The following ELOVL7 variants were observed in gnomAD, a reference collection of about 807,000 sequenced individuals.
The protein encoded by ELOVL7 is very long chain fatty acid elongase 7.
Under a neutral mutation model 35.7 loss-of-function variants are expected in ELOVL7, and 27 were observed. The observed-to-expected ratio is 0.76, with a 90% CI of 0.56 to 1.04. The LOEUF (loss-of-function observed/expected upper bound fraction) is 1.04. ELOVL7 is among the 50% of genes least tolerant of loss of function. The pLI is 0.00. For missense variants in ELOVL7, 327 were observed against 340.8 expected, an observed-to-expected ratio of 0.96 and a Z score of 0.32; for synonymous variants, 113 against 114.6, an observed-to-expected ratio of 0.99 and a Z score of 0.09.
intron 3 of ELOVL7, among the ~76,000 whole-genome samples, chr5:60,773,997 T>C (rs1470101763): frequency 1.3e-5 from 2 of 152,266 alleles, no homozygotes; most frequent in African/African-American, 4.8e-5. Flanking sequence ...ACTAATGTTC[T>C]GTGGAACACT....
chr5:60,770,771 C>T (rs897722526), intron 4 of ELOVL7, among the ~76,000 whole-genome samples: 1 of 152,190 alleles, frequency 6.6e-6, no homozygotes, highest in Non-Finnish European at 1.5e-5. Context: ...GATCACGGCT[C>T]ATTGCAGCCT....
chr5:60,770,248 C>T (rs1742500275), intron 4 of ELOVL7, among the ~76,000 whole-genome samples: 1 of 152,108 alleles, frequency 6.6e-6, no homozygotes, highest in Non-Finnish European at 1.5e-5. Flanking sequence ...CTGGCGATGA[C>T]TGGATTCTTT....
intron 3 of ELOVL7, chr5:60,784,122 C>A: frequency 6.6e-7 from 1 of 1,514,672 alleles, no homozygotes; most frequent in South Asian, 1.2e-5. Context: ...TTTCCATCAG[C>A]TGCTTCTAAG....
intron 1 of ELOVL7, among the ~76,000 whole-genome samples, chr5:60,813,154 G>A (rs1745326776): frequency 6.6e-6 from 1 of 152,060 alleles, no homozygotes; most frequent in East Asian, 1.9e-4. Flanking sequence ...TTATTGATCC[G>A]TCACCTTCAC....
intron 3 of ELOVL7, among the ~76,000 whole-genome samples, chr5:60,780,462 C>T (rs1466149507): frequency 6.6e-6 from 1 of 152,160 alleles, no homozygotes; most frequent in Non-Finnish European, 1.5e-5. Context: ...CCCCTCCAAA[C>T]TGCTCCAACC....
chr5:60,820,145 TG>T (rs1343029695), intron 1 of ELOVL7, among the ~76,000 whole-genome samples: 2 of 152,176 alleles, frequency 1.3e-5, no homozygotes, highest in Admixed American at 1.3e-4. Context: ...ACAGACAGCC[TG>T]GAAACAGGAA....
In ELOVL7 at chr5:60,764,313, T is replaced by C. The variant is rs763099478; in HGVS notation, c.413A>G (p.Lys138Arg). ...LLDTIFFVLR[K>R]KNSQVTFLHV... ...AAGGAAAGTCACTTGGCTATTTTTCTTGCGCAGAACAAAAAAGATCTGAAA... is the reference window on the plus strand; with the variant it reads ...AAGGAAAGTCACTTGGCTATTTTTCCTGCGCAGAACAAAAAAGATCTGAAA... Residue 138 changes from lysine to arginine, a missense_variant, in exon 7 of 9, where the codon AAG becomes AGG. Lys to Arg is a conservative substitution (Grantham distance 26). Transcript: ENST00000508821. 6.2e-7 allele frequency: 1 copy of C among 1,612,782 alleles called. No individual in the cohort carries two copies. Among genetic ancestry groups the C allele is most frequent in the Non-Finnish European group, 8.5e-7 (1 of 1,178,920 alleles).
chr5:60,764,324 A>T lies in ELOVL7; in HGVS notation c.402T>A (p.Phe134Leu), dbSNP rs757654842. 2 of 1,605,038 alleles carry T rather than the reference A, an allele frequency of 1.2e-6. No individual in the cohort carries two copies. Among genetic ancestry groups the T allele is most frequent in the Admixed American group, 3.3e-5 (2 of 59,928 alleles). The change falls in exon 7 of 9, where the codon TTT becomes TTA. Residue 134 changes from phenylalanine (F) to leucine (L), a missense_variant. Physicochemically the swap from Phe to Leu is conservative, Grantham distance 22. Transcript: ENST00000508821. ...KFIELLDTIF[F>L]VLRKKNSQVT... is the part of the protein sequence containing the mutation. Reference sequence around the variant, plus strand: ...CTTGGCTATTTTTCTTGCGCAGAACAAAAAAGATCTGAAATAATTTAAAGA... The same window carrying T: ...CTTGGCTATTTTTCTTGCGCAGAACTAAAAAGATCTGAAATAATTTAAAGA...
chr5:60,834,312 T>C (rs1746659230), intron 1 of ELOVL7, among the ~76,000 whole-genome samples: 5 of 152,074 alleles, frequency 3.3e-5, no homozygotes, highest in Admixed American at 3.3e-4. Context: ...TGGCTAATTT[T>C]GTTTTCGTAT....
At position 60,767,875 on chromosome 5, in the gene ELOVL7, T is replaced by C; in HGVS notation, c.284A>G (p.Tyr95Cys). The C allele has an allele frequency of 1.9e-6, 3 of 1,613,964 alleles. No homozygotes were observed. The highest frequency in any genetic ancestry group is 2.2e-5 in the South Asian group (2 of 91,080). Reference protein sequence around the residue: ...EFVMSGWGIGYSFRCDIVDYS... With the variant: ...EFVMSGWGIGCSFRCDIVDYS... ...GTCAACAATGTCACATCGAAATGAA[T>C]AACCTATACCCCAGCCAGACATCAC... The change falls in exon 5 of 9, where the codon TAT becomes TGT. Residue 95 changes from tyrosine (Y) to cysteine (C), a missense_variant. Coordinates refer to ENST00000508821, the MANE Select transcript of ELOVL7 (RefSeq NM_024930.3).
intron 2 of ELOVL7, among the ~76,000 whole-genome samples, chr5:60,792,692 T>C (rs977895257): frequency 6.6e-6 from 1 of 152,008 alleles, no homozygotes; most frequent in Non-Finnish European, 1.5e-5. Flanking sequence ...TAAAAAAAAT[T>C]GGAGGGAGCA....
At chr5:60,764,392 T>C in intron 6 of ELOVL7, 60 bp from the exon 7 acceptor site, 2 of 1,295,904 alleles carry the variant, frequency 1.5e-6, no homozygotes, top group South Asian at 1.3e-5. Context: ...TATTGAGTAT[T>C]ATAAAAAATA....
At chr5:60,814,572 A>G (rs139832339) in intron 1 of ELOVL7, among the ~76,000 whole-genome samples, 2 of 152,354 alleles carry the variant, frequency 1.3e-5, no homozygotes, top group African/African-American at 4.8e-5. Flanking sequence ...TGTGCTAGGT[A>G]TTCCACTGAC....
chr5:60,839,923 T>A (rs1747062154), intron 1 of ELOVL7, among the ~76,000 whole-genome samples: 1 of 151,858 alleles, frequency 6.6e-6, no homozygotes, highest in Non-Finnish European at 1.5e-5. Context: ...ATTGCTTGAG[T>A]CTGGGGATTG....
At chr5:60,805,857 G>A (rs1475340790) in intron 1 of ELOVL7, among the ~76,000 whole-genome samples, 2 of 152,156 alleles carry the variant, frequency 1.3e-5, no homozygotes, top group African/African-American at 4.8e-5. Context: ...GCCTCATTAT[G>A]TCCATATTCC....
Position 60,753,234 on chromosome 5 carries a change from T to C in ELOVL7, c.*1390A>G, listed in dbSNP as rs1741359928. On this transcript the variant is annotated 3_prime_UTR_variant, in exon 9 of 9. Transcript: ENST00000508821. The stretch of plus-strand genomic sequence containing the variant: ...AAAGAAGAAAAAAAATAGGGAAAAA[T>C]TCACAAATGTCCAAATATTATTTCA... The C allele has an allele frequency of 6.6e-6, 1 of 151,930 alleles. No individual in the cohort carries two copies. The highest frequency in any genetic ancestry group is 2.4e-5 in the African/African-American group (1 of 41,384). 9.4% of individuals were successfully genotyped at this position (151,930 alleles called of 1,614,324 possible).
intron 3 of ELOVL7, among the ~76,000 whole-genome samples, chr5:60,783,897 C>G (rs1162440043): frequency 1.3e-5 from 2 of 152,118 alleles, no homozygotes; most frequent in African/African-American, 4.8e-5. Context: ...GGGGATGTTT[C>G]ATGTACCTTC....
At chr5:60,813,932 T>C (rs1745379304) in intron 1 of ELOVL7, among the ~76,000 whole-genome samples, 1 of 152,182 alleles carries the variant, frequency 6.6e-6, no homozygotes, top group Non-Finnish European at 1.5e-5. Flanking sequence ...GACCACCATG[T>C]ATGAGATTTG....
In ELOVL7 at chr5:60,802,061, CATATATATATATATATATATAT is replaced by C. The variant is rs59849955; in HGVS notation, c.-85-2853_-85-2832del. ...GAGCCAATTCTCCCTAATAAACTCT[CATATATATATATATATATATAT>C]ATATATATATATATATATATATATA... On this transcript the variant is annotated intron_variant, in intron 1 of 8. Coordinates refer to ENST00000508821, the MANE Select transcript of ELOVL7 (RefSeq NM_024930.3). Among the ~76,000 whole-genome samples, 16 of 77,372 alleles carry C rather than the reference CATATATATATATATATATATAT, an allele frequency of 2.1e-4. 1 individual carries two copies. Among genetic ancestry groups the C allele is most frequent in the South Asian group, 1.6e-3 (3 of 1,826 alleles). 50.8% of individuals were successfully genotyped at this position (77,372 alleles called of 152,430 possible).
Sources: allele counts gnomAD v4.1 joint callset (sites outside exome capture counted in the v4.1 genomes callset), GRCh38; gene constraint gnomAD v4.1.1; transcripts MANE v1.5; gene names NCBI Gene and HGNC (gene_info 2026-07-23, HGNC 2026-07-21).